CAST: variants seen among roughly 807,000 people sequenced by gnomAD.
CAST encodes the protein MIR583 host.
CAST carries 76 observed loss-of-function variants against 119.6 expected under a neutral mutation model. That is an observed-to-expected ratio of 0.64 (90% CI 0.53 to 0.77). The LOEUF is 0.77. Among genes scored for constraint, CAST ranks in the 30% least tolerant of loss-of-function variants. CAST has a pLI of 0.00. For synonymous variants in CAST, 319 were observed against 331.6 expected (o/e 0.96, Z 0.41); for missense variants, 953 against 946.5 (o/e 1.01, Z -0.09).
chr5:95,964,941 C>G, the CAST span: 1 of 152,246 alleles, frequency 6.6e-6, no homozygotes, highest in Admixed American at 6.5e-5. Context: ...ACAGTGCTGG[C>G]AAAGGATATG....
At chr5:96,510,132 G>A in the CAST span, among the ~76,000 whole-genome samples, 14 of 152,146 alleles carry the variant, frequency 9.2e-5, no homozygotes, top group African/African-American at 2.4e-4. Context: ...GCTTGCTGAC[G>A]TAAATTAGTC....
At chr5:96,595,382 G>A (rs1000469950) in intron 1 of CAST, among the ~76,000 whole-genome samples, 1 of 152,212 alleles carries the variant, frequency 6.6e-6, no homozygotes, top group African/African-American at 2.4e-5. Flanking sequence ...ATTACGTGGA[G>A]AGTTTATGTG....
intron 1 of CAST, among the ~76,000 whole-genome samples, chr5:96,539,566 G>A (rs555305047): frequency 1.8e-3 from 273 of 151,982 alleles, no homozygotes; most frequent in Non-Finnish European, 3.1e-3. Context: ...TATAGGTTTT[G>A]ACAAACATGT....
At chr5:96,174,117 A>G in the CAST span, among the ~76,000 whole-genome samples, 1 of 152,068 alleles carries the variant, frequency 6.6e-6, no homozygotes, top group Non-Finnish European at 1.5e-5. Context: ...TTTTAATTTC[A>G]TGAAGATAAA....
the CAST span, chr5:96,434,069 G>C: frequency 6.6e-6 from 1 of 151,750 alleles, no homozygotes; most frequent in Non-Finnish European, 1.5e-5. Flanking sequence ...TATTTACCTC[G>C]ACTTTCCATT....
At chr5:96,288,930 A>G in the CAST span, among the ~76,000 whole-genome samples, 2 of 152,132 alleles carry the variant, frequency 1.3e-5, no homozygotes, top group Non-Finnish European at 2.9e-5. Flanking sequence ...CTCTTAGGTG[A>G]GCTGGTTAAT....
chr5:96,198,686 C>T, the CAST span, among the ~76,000 whole-genome samples: 2 of 152,156 alleles, frequency 1.3e-5, no homozygotes, highest in Admixed American at 1.3e-4. Context: ...TTTTCATACA[C>T]AAACTAATCA....
the CAST span, among the ~76,000 whole-genome samples, chr5:96,465,745 G>T: frequency 9.9e-5 from 15 of 152,178 alleles, 1 homozygote; most frequent in African/African-American, 3.6e-4. Context: ...TTATCCTTAG[G>T]TTACCATGAG....
At chr5:96,397,531 C>T in the CAST span, 21 of 1,420,818 alleles carry the variant, frequency 1.5e-5, no homozygotes, top group Non-Finnish European at 2.0e-5. Context: ...TACACTCTAG[C>T]ATCTGATAAC....
the CAST span, among the ~76,000 whole-genome samples, chr5:96,319,824 G>C: frequency 6.6e-6 from 1 of 151,958 alleles, no homozygotes. Context: ...TCAGGTGTCT[G>C]AACCTAGAAA....
the CAST span, among the ~76,000 whole-genome samples, chr5:96,241,459 A>G: frequency 6.0e-5 from 9 of 151,054 alleles, no homozygotes; most frequent in East Asian, 7.8e-4. Context: ...AATCCAGTCT[A>G]TCATTGTTGG....
intron 1 of CAST, among the ~76,000 whole-genome samples, chr5:96,642,791 C>A (rs1369432313): frequency 6.6e-6 from 1 of 152,126 alleles, no homozygotes; most frequent in Non-Finnish European, 1.5e-5. Flanking sequence ...TCAAGTGATC[C>A]GCCCACCTAG....
the CAST span, among the ~76,000 whole-genome samples, chr5:96,455,288 C>A: frequency 2.0e-5 from 3 of 152,090 alleles, no homozygotes; most frequent in African/African-American, 7.2e-5. Flanking sequence ...AGATTCTTTT[C>A]AATAGAAGAG....
the CAST span, among the ~76,000 whole-genome samples, chr5:96,401,473 G>A: frequency 6.6e-6 from 1 of 152,212 alleles, no homozygotes; most frequent in African/African-American, 2.4e-5. Context: ...CTTTTGGGCA[G>A]TGGGAATCAG....
In CAST at chr5:96,697,872, G is replaced by A. The variant is rs1381278124; in HGVS notation, c.210+1965G>A. 2.0e-5 allele frequency among the ~76,000 whole-genome samples: 3 copies of A among 152,198 alleles called. No individual in the cohort carries two copies. The East Asian group carries it at 5.8e-4, about 29-fold the overall frequency. On this transcript the variant is annotated intron_variant, in intron 3 of 31. Coordinates refer to ENST00000675179, the MANE Select transcript of CAST (RefSeq NM_001750.7). Reference sequence around the variant, plus strand: ...TAGGCCTGGCCCTGGCATTTAGCAGGTGCTGGGAAAATGGACCTCTCCTGT... The same window carrying A: ...TAGGCCTGGCCCTGGCATTTAGCAGATGCTGGGAAAATGGACCTCTCCTGT...
At chr5:96,434,480 G>A in the CAST span, among the ~76,000 whole-genome samples, 1 of 152,198 alleles carries the variant, frequency 6.6e-6, no homozygotes, top group Non-Finnish European at 1.5e-5. Flanking sequence ...TTGGCCGCAG[G>A]GGGGAGTGTG....
the CAST span, among the ~76,000 whole-genome samples, chr5:96,486,859 T>C: frequency 2.0e-5 from 3 of 152,182 alleles, 1 homozygote; most frequent in East Asian, 5.8e-4. Context: ...ATATCATATC[T>C]ATGACATGGA....
the CAST span, among the ~76,000 whole-genome samples, chr5:96,151,412 G>C: frequency 1.3e-5 from 2 of 152,148 alleles, no homozygotes; most frequent in African/African-American, 4.8e-5. Flanking sequence ...GAGGCATGAG[G>C]ATCACTTGAG....
At chr5:96,183,160 AAATAATAATAATAAT>A in the CAST span, among the ~76,000 whole-genome samples, 7 of 143,274 alleles carry the variant, frequency 4.9e-5, no homozygotes, top group South Asian at 2.2e-4. Context: ...AAAATAAATA[AAATAATAATAATAAT>A]AATAATAATA....
Sources: gnomAD v4.1 joint callset for allele counts (sites outside exome capture counted in the v4.1 genomes callset) on GRCh38, gnomAD v4.1.1 for gene constraint, MANE v1.5 for transcripts, NCBI Gene and HGNC (gene_info 2026-07-23, HGNC 2026-07-21) for gene names.